STXBP6: variants seen among roughly 807,000 people sequenced by gnomAD.
STXBP6 encodes the protein syntaxin-binding protein 6.
A neutral mutation model predicts 26.9 loss-of-function variants in STXBP6; 21 were observed. The observed-to-expected ratio is 0.78, with a 90% confidence interval of 0.55 to 1.12. The LOEUF is 1.12. Ranked by LOEUF, STXBP6 falls within the 50% of genes most tolerant of loss-of-function variation. The pLI is 0.00. For synonymous variants in STXBP6, 97 were observed against 92.6 expected (o/e 1.05, Z -0.27); for missense variants, 232 against 257.9 (o/e 0.90, Z 0.69).
At chr14:24,883,912 T>G (rs1390311443) in intron 2 of STXBP6, among the ~76,000 whole-genome samples, 1 of 152,166 alleles carries the variant, frequency 6.6e-6, no homozygotes, top group Non-Finnish European at 1.5e-5. Flanking sequence ...CTTAAGTAAT[T>G]GGCAAACAAA....
At chr14:24,948,100 G>C (rs530785048) in intron 2 of STXBP6, among the ~76,000 whole-genome samples, 10 of 152,264 alleles carry the variant, frequency 6.6e-5, no homozygotes, top group Admixed American at 3.9e-4. Flanking sequence ...GAAGATGGGA[G>C]TGAGAAAAGG....
chr14:25,049,565 C>A lies in STXBP6; in HGVS notation c.-33+313G>T. On this transcript the variant is annotated intron_variant, in intron 1 of 5. Transcript: ENST00000323944. This position sits in a 1 kb window ranked among gnomAD's most constrained non-coding sequence, Gnocchi z 5.6. ...GCGGAAAAAAAGGCTCCATCCTCAA[C>A]TTTCTCGGAGGAAATCGCTCCGTTC... 1 of 985,500 alleles carries A rather than the reference C, an allele frequency of 1.0e-6. No individual in the cohort carries two copies. The highest frequency in any genetic ancestry group is 1.2e-6 in the Non-Finnish European group (1 of 830,028). The allele number at this position is 985,500 out of a possible 1,614,324, so 61.0% of individuals were successfully genotyped here.
intron 2 of STXBP6, among the ~76,000 whole-genome samples, chr14:24,928,218 C>T (rs2139870153): frequency 6.6e-6 from 1 of 152,170 alleles, no homozygotes; most frequent in East Asian, 1.9e-4. Flanking sequence ...AAACTATGTA[C>T]ACTTATACTG....
intron 1 of STXBP6, among the ~76,000 whole-genome samples, chr14:25,038,772 A>G (rs1206953707): frequency 5.9e-5 from 9 of 152,280 alleles, no homozygotes; most frequent in African/African-American, 1.9e-4. Flanking sequence ...ACTTGTGTTT[A>G]TCTATATAAC....
intron 2 of STXBP6, among the ~76,000 whole-genome samples, chr14:24,950,166 T>C (rs372657269): frequency 6.6e-6 from 1 of 152,168 alleles, no homozygotes; most frequent in Non-Finnish European, 1.5e-5. Context: ...CCCTCCCTGC[T>C]CAATAAATAA....
At chr14:24,979,942 G>A (rs1317386751) in intron 1 of STXBP6, among the ~76,000 whole-genome samples, 1 of 152,130 alleles carries the variant, frequency 6.6e-6, no homozygotes, top group Non-Finnish European at 1.5e-5. Flanking sequence ...TATGATTCAA[G>A]CTTAACTGTA....
At chr14:24,871,068 T>G (rs2069913571) in intron 2 of STXBP6, among the ~76,000 whole-genome samples, 1 of 152,186 alleles carries the variant, frequency 6.6e-6, no homozygotes, top group South Asian at 2.1e-4. Context: ...ACATGTTTTT[T>G]TTTTTTCTCT....
chr14:24,932,296 A>G (rs906069794), intron 2 of STXBP6, among the ~76,000 whole-genome samples: 1 of 152,198 alleles, frequency 6.6e-6, no homozygotes, highest in African/African-American at 2.4e-5. Context: ...AGTCCCAGCT[A>G]CTTAGGAGGC....
chr14:24,872,831 T>A (rs2069987697), intron 2 of STXBP6, among the ~76,000 whole-genome samples: 1 of 152,202 alleles, frequency 6.6e-6, no homozygotes, highest in Non-Finnish European at 1.5e-5. Flanking sequence ...GTCTACATCT[T>A]CCCTCTGCCA....
chr14:24,872,258 T>TA (rs1338974301), intron 2 of STXBP6, among the ~76,000 whole-genome samples: 1 of 151,910 alleles, frequency 6.6e-6, no homozygotes, highest in Admixed American at 6.6e-5. Flanking sequence ...AAATAAAATA[T>TA]AAAAAAAGGA....
chr14:24,959,971 G>A (rs2073474879), intron 2 of STXBP6, among the ~76,000 whole-genome samples: 1 of 152,174 alleles, frequency 6.6e-6, no homozygotes, highest in South Asian at 2.1e-4. Context: ...TCCAAATCAA[G>A]CCTAATATTA....
chr14:24,918,160 G>A (rs1012836555), intron 2 of STXBP6, among the ~76,000 whole-genome samples: 3 of 151,796 alleles, frequency 2.0e-5, no homozygotes, highest in Non-Finnish European at 4.4e-5. Flanking sequence ...GGGGAGGGGT[G>A]GTGATGAAAA....
rs59836788 is a variant in STXBP6, at chr14:24,922,955, C to T, written c.154+51710G>A. On this transcript the variant is annotated intron_variant, in intron 2 of 5. Coordinates refer to ENST00000323944, the MANE Select transcript of STXBP6 (RefSeq NM_001394410.1). ...CTCTCTCGGTTAAGAAGGATTCCTT[C>T]CTTTTGCTTACATTTTAATGTATAA... Among the ~76,000 whole-genome samples, 1,478 of 152,030 alleles carry T rather than the reference C, an allele frequency of 9.7e-3. 22 individuals carry two copies. Among genetic ancestry groups the T allele is most frequent in the African/African-American group, 0.033 (1,355 of 41,462 alleles).
At chr14:24,987,919 G>A in intron 1 of STXBP6, 5 of 982,104 alleles carry the variant, frequency 5.1e-6, no homozygotes, top group South Asian at 9.4e-5. Flanking sequence ...CTAACGCTGA[G>A]GATACTGAGG....
chr14:24,827,104 G>A (rs2068307792), intron 4 of STXBP6, among the ~76,000 whole-genome samples: 2 of 152,150 alleles, frequency 1.3e-5, no homozygotes, highest in Admixed American at 6.5e-5. Flanking sequence ...TGGAGGCTGA[G>A]GTGGGAAGAT....
intron 4 of STXBP6, among the ~76,000 whole-genome samples, chr14:24,842,109 T>C (rs1594944312): frequency 6.6e-6 from 1 of 152,198 alleles, no homozygotes; most frequent in Admixed American, 6.5e-5. Flanking sequence ...ACATGTGGGA[T>C]ATGGCAGAGT....
intron 1 of STXBP6, among the ~76,000 whole-genome samples, chr14:24,976,602 T>C (rs1251481435): frequency 6.6e-6 from 1 of 152,208 alleles, no homozygotes; most frequent in Non-Finnish European, 1.5e-5. Context: ...TATGATTTCC[T>C]ACAAGTTGGC....
intron 2 of STXBP6, among the ~76,000 whole-genome samples, chr14:24,870,908 G>C (rs954177660): frequency 1.2e-4 from 19 of 152,160 alleles, no homozygotes; most frequent in African/African-American, 4.6e-4. Context: ...AGTTGGACTG[G>C]TCAGTACTGC....
chr14:24,990,795 G>A (rs976899029), intron 1 of STXBP6, among the ~76,000 whole-genome samples: 1 of 151,726 alleles, frequency 6.6e-6, no homozygotes, highest in Non-Finnish European at 1.5e-5. Flanking sequence ...TCACATACAA[G>A]CAAATGCCAC....
Sources: gnomAD v4.1 joint callset for allele counts (sites outside exome capture counted in the v4.1 genomes callset) on GRCh38, gnomAD v4.1.1 for gene constraint, Gnocchi (gnomAD v3.1) non-coding constraint, MANE v1.5 for transcripts, NCBI Gene and HGNC (gene_info 2026-07-23, HGNC 2026-07-21) for gene names.